Variants in PIEZO2 observed in about 807,000 individuals in gnomAD.
The protein encoded by PIEZO2 is piezo type mechanosensitive ion channel component 2.
PIEZO2 carries 172 observed loss-of-function variants against 337.3 expected under a neutral mutation model. That is an observed-to-expected ratio of 0.51 (90% CI 0.45 to 0.58). The LOEUF (loss-of-function observed/expected upper bound fraction) is 0.58, where lower values mean the gene tolerates loss of function less well. Ranked by LOEUF, PIEZO2 falls within the 20% of genes least tolerant of loss-of-function variation. PIEZO2 has a pLI of 0.00. For synonymous variants in PIEZO2, 1,251 were observed against 1,228.5 expected (o/e 1.02, Z -0.38); for missense variants, 3,028 against 3,391.3 (o/e 0.89, Z 2.66).
At chr18:10,960,556 C>A (rs886617484) in intron 3 of PIEZO2, among the ~76,000 whole-genome samples, 1 of 146,008 alleles carries the variant, frequency 6.8e-6, no homozygotes, top group African/African-American at 2.5e-5. Context: ...GCCACAAAGA[C>A]TTTTTTTTTT....
Position 10,694,921 on chromosome 18 carries a change from C to T in PIEZO2, c.7190+1153G>A, listed in dbSNP as rs1484769222. Among the ~76,000 whole-genome samples, 4 of 152,180 alleles carry T rather than the reference C, an allele frequency of 2.6e-5. No individual in the cohort carries two copies. In the East Asian group the frequency reaches 7.7e-4, roughly 29 times the overall value. ...CAGTTCCAGAGGAGGCTTTCAGAGC[C>T]ACAGCAGATGATGGCAGCTTCACTG... is the stretch of plus-strand genomic sequence containing the variant. On this transcript the variant is annotated intron_variant, in intron 47 of 55. Transcript: ENST00000674853.
At position 10,759,562 on chromosome 18, in the gene PIEZO2, C is replaced by G. The variant is rs1347316552; in HGVS notation, c.3677G>C (p.Gly1226Ala). 1 of 1,537,238 alleles carries G rather than the reference C, an allele frequency of 6.5e-7. No homozygotes were observed. Among genetic ancestry groups the G allele is most frequent in the African/African-American group, 1.4e-5 (1 of 73,020 alleles). The change falls in exon 26 of 56, where the codon GGT (glycine) becomes GCT (alanine). Residue 1226 changes from glycine to alanine, a missense_variant. Transcript: ENST00000674853. The surrounding 1 kb of genome is among the most constrained non-coding windows in gnomAD (Gnocchi z 5.5). ...PCRDYPWRFK[G>A]ASFNDNIIKW... The stretch of plus-strand genomic sequence containing the variant: ...TATGATGTTGTCATTGAAGCTGGCA[C>G]CCTTGAATCTCCACGGGTAATCTGC...
intron 8 of PIEZO2, among the ~76,000 whole-genome samples, chr18:10,805,696 A>G (rs1259966651): frequency 6.6e-6 from 1 of 152,216 alleles, no homozygotes; most frequent in East Asian, 1.9e-4. Flanking sequence ...ATTCCTTACC[A>G]CCCATAAATC....
chr18:10,823,348 G>A (rs1019562062), intron 7 of PIEZO2, among the ~76,000 whole-genome samples: 5 of 151,930 alleles, frequency 3.3e-5, no homozygotes, highest in Non-Finnish European at 7.4e-5. Context: ...ACAACCTGCC[G>A]CTTCTCTTTT....
chr18:10,921,324 C>T (rs139066616), intron 3 of PIEZO2, among the ~76,000 whole-genome samples: 19 of 152,186 alleles, frequency 1.2e-4, no homozygotes, highest in African/African-American at 3.1e-4. Flanking sequence ...ACAGAGGGAC[C>T]GGCTGAAGCC....
chr18:10,706,877 AC>A (rs2035609108), intron 40 of PIEZO2, among the ~76,000 whole-genome samples: 1 of 152,216 alleles, frequency 6.6e-6, no homozygotes, highest in South Asian at 2.1e-4. Context: ...ACGTGTGACC[AC>A]CAGGGTTCCA....
intron 7 of PIEZO2, among the ~76,000 whole-genome samples, chr18:10,839,705 T>G (rs1292118367): frequency 2.0e-5 from 3 of 152,226 alleles, no homozygotes; most frequent in African/African-American, 7.2e-5. Flanking sequence ...GTAGCTGGCT[T>G]TCTGCACTTG....
rs965092255 is a variant in PIEZO2, at chr18:10,872,365, G to T, written c.330-950C>A. ...GGGCTTCAACTGGAAAAGGAGGAGA[G>T]ATCTGTCTGGGAAGGTAATACAAAC... On this transcript the variant is annotated intron_variant, in intron 4 of 55. Coordinates refer to ENST00000674853, the MANE Select transcript of PIEZO2 (RefSeq NM_001378183.1). This position sits in a 1 kb window ranked among gnomAD's most constrained non-coding sequence, Gnocchi z 4.3. 2.0e-5 allele frequency among the ~76,000 whole-genome samples: 3 copies of T among 152,172 alleles called. No homozygotes were observed. Among genetic ancestry groups the T allele is most frequent in the South Asian group, 4.1e-4 (2 of 4,830 alleles).
At chr18:10,875,168 T>C (rs1356735709) in intron 4 of PIEZO2, among the ~76,000 whole-genome samples, 2 of 152,266 alleles carry the variant, frequency 1.3e-5, no homozygotes, top group East Asian at 3.9e-4. Flanking sequence ...GCCTCTAAAC[T>C]CTTACCCCAT....
At chr18:11,087,660 C>T (rs2038953967) in intron 1 of PIEZO2, among the ~76,000 whole-genome samples, 1 of 152,206 alleles carries the variant, frequency 6.6e-6, no homozygotes, top group Non-Finnish European at 1.5e-5. Flanking sequence ...CATTTTCCTT[C>T]CCTCCCTTAT....
At chr18:11,055,851 C>T (rs373478449) in intron 2 of PIEZO2, among the ~76,000 whole-genome samples, 1 of 152,170 alleles carries the variant, frequency 6.6e-6, no homozygotes, top group African/African-American at 2.4e-5. Context: ...CCGTTGTGTG[C>T]GCCCTTCGCT....
At chr18:10,925,671 C>G (rs922406957) in intron 3 of PIEZO2, among the ~76,000 whole-genome samples, 1 of 152,198 alleles carries the variant, frequency 6.6e-6, no homozygotes, top group East Asian at 1.9e-4. Context: ...GCTCTGCCTC[C>G]CGTGTTCACG....
intron 2 of PIEZO2, among the ~76,000 whole-genome samples, chr18:10,987,852 A>T (rs1209563731): frequency 6.6e-6 from 1 of 152,170 alleles, no homozygotes; most frequent in Non-Finnish European, 1.5e-5. Flanking sequence ...GAAAAAACAA[A>T]TAACCACATT....
rs2038047971 is a variant in PIEZO2, at chr18:10,759,824, A to G, written c.3536T>C (p.Leu1179Ser). ...GATGGCTTTCCTTCTGCGTCTATAT[A>G]AGACAGCGATCAGCCAGCAGGCGTG... ...MIHACWLIAV[L>S]YRRRRKAIAE... The change falls in exon 25 of 56, where the codon TTA becomes TCA. Residue 1179 changes from leucine (L) to serine (S), a missense_variant. Leu to Ser is a moderately radical substitution (Grantham distance 145). Around this residue, in one of 5 missense-constraint regions of PIEZO2, gnomAD observed 1,925 missense variants for 2,051.9 expected, o/e 0.94. Transcript: ENST00000674853. This position sits in a 1 kb window ranked among gnomAD's most constrained non-coding sequence, Gnocchi z 5.5. The G allele has an allele frequency of 2.6e-6, 4 of 1,537,256 alleles. No homozygotes were observed. The African/African-American group carries it at 4.1e-5, about 16-fold the overall frequency.
intron 2 of PIEZO2, among the ~76,000 whole-genome samples, chr18:11,029,521 A>G (rs983152944): frequency 3.9e-5 from 6 of 152,166 alleles, no homozygotes; most frequent in African/African-American, 7.2e-5. Context: ...GGATCTTTCA[A>G]ACAAGCAAAT....
At chr18:11,079,381 A>C (rs181877855) in intron 1 of PIEZO2, among the ~76,000 whole-genome samples, 31 of 152,272 alleles carry the variant, frequency 2.0e-4, no homozygotes, top group African/African-American at 7.0e-4. Flanking sequence ...TCTTTGCTAG[A>C]CCACTTGGCA....
In PIEZO2 at chr18:10,759,556, C is replaced by T. The variant is rs185314707; in HGVS notation, c.3683G>A (p.Ser1228Asn). Residue 1228 changes from serine (S) to asparagine (N), a missense_variant, in exon 26 of 56, where the codon AGC becomes AAC. This residue lies in a region of PIEZO2 where 1,925 missense variants were observed against 2,051.9 expected (regional missense o/e 0.94). Coordinates refer to ENST00000674853, the MANE Select transcript of PIEZO2 (RefSeq NM_001378183.1). This position sits in a 1 kb window ranked among gnomAD's most constrained non-coding sequence, Gnocchi z 5.5. Reference sequence around the variant, plus strand: ...CCACTTTATGATGTTGTCATTGAAGCTGGCACCCTTGAATCTCCACGGGTA... The same window carrying T: ...CCACTTTATGATGTTGTCATTGAAGTTGGCACCCTTGAATCTCCACGGGTA... ...RDYPWRFKGA[S>N]FNDNIIKWLY... The T allele has an allele frequency of 5.5e-5, 85 of 1,537,360 alleles. No homozygotes were observed. In the East Asian group the frequency reaches 1.3e-3, roughly 23 times the overall value.
intron 3 of PIEZO2, among the ~76,000 whole-genome samples, chr18:10,921,316 A>G (rs1246787481): frequency 1.3e-5 from 2 of 152,178 alleles, no homozygotes; most frequent in African/African-American, 2.4e-5. Flanking sequence ...GACCCCAAAC[A>G]GAGGGACCGG....
rs1220115053 is a variant in PIEZO2 at position 10,824,223 on chromosome 18, C to T, written c.918-16949G>A. Among the ~76,000 whole-genome samples, 3 of 152,132 alleles carry T rather than the reference C, an allele frequency of 2.0e-5. No individual in the cohort carries two copies. The highest frequency in any genetic ancestry group is 2.1e-4 in the South Asian group (1 of 4,822). On this transcript the variant is annotated intron_variant, in intron 7 of 55. Transcript: ENST00000674853. The surrounding 1 kb of genome is among the most constrained non-coding windows in gnomAD (Gnocchi z 4.4). The stretch of plus-strand genomic sequence containing the variant: ...AAATCTGGGGCTAGGGAATAATTTA[C>T]GAGAGTAGCAAGAGACAAGTCTCCA...
Sources: allele counts gnomAD v4.1 joint callset (sites outside exome capture counted in the v4.1 genomes callset), GRCh38; gene constraint gnomAD v4.1.1; regional missense constraint gnomAD v4.1.1; non-coding constraint Gnocchi (gnomAD v3.1); transcripts MANE v1.5; gene names NCBI Gene and HGNC (gene_info 2026-07-23, HGNC 2026-07-21).